The following PIP5K1B variants were observed in gnomAD, a reference collection of about 807,000 sequenced individuals.
PIP5K1B encodes the protein phosphatidylinositol 4-phosphate 5-kinase type-1 beta.
PIP5K1B carries 42 observed loss-of-function variants against 67.0 expected under a neutral mutation model. The observed-to-expected ratio is 0.63, with a 90% CI of 0.49 to 0.81. The LOEUF is 0.81. Ranked by LOEUF, PIP5K1B falls within the 30% of genes least tolerant of loss-of-function variation. The pLI, the probability that PIP5K1B is intolerant of heterozygous loss-of-function variation, is 0.00. For missense variants in PIP5K1B, 459 were observed against 646.3 expected, an observed-to-expected ratio of 0.71 and a Z score of 3.14; for synonymous variants, 214 against 231.4, an observed-to-expected ratio of 0.92 and a Z score of 0.68.
intron 2 of PIP5K1B, among the ~76,000 whole-genome samples, chr9:68,757,325 T>C (rs928900157): frequency 3.3e-5 from 5 of 152,118 alleles, no homozygotes; most frequent in Admixed American, 3.3e-4. Context: ...AAAAATTACA[T>C]TTGTGACATG....
At chr9:68,761,349 T>C (rs75739322) in intron 2 of PIP5K1B, among the ~76,000 whole-genome samples, 4,256 of 152,210 alleles carry the variant, frequency 0.028, 114 homozygotes, top group East Asian at 0.11. Flanking sequence ...GCTGGAGTTC[T>C]TGTCTCTCCT....
chr9:68,780,937 C>T (rs1448500972), intron 2 of PIP5K1B: 1 of 1,614,146 alleles, frequency 6.2e-7, no homozygotes, highest in Non-Finnish European at 8.5e-7. Context: ...TGTAACTCAC[C>T]AGCGAAAGTC....
intron 11 of PIP5K1B, among the ~76,000 whole-genome samples, chr9:68,922,635 T>C (rs1283010001): frequency 6.6e-6 from 1 of 152,064 alleles, no homozygotes; most frequent in African/African-American, 2.4e-5. Context: ...CCTTCATCTA[T>C]CCCCTTTCCT....
intron 15 of PIP5K1B, among the ~76,000 whole-genome samples, chr9:69,004,437 C>A (rs1033357635): frequency 2.0e-5 from 3 of 151,822 alleles, no homozygotes; most frequent in Non-Finnish European, 4.4e-5. Flanking sequence ...AGCTCCTCTG[C>A]CAAAGCACCA....
intron 4 of PIP5K1B, among the ~76,000 whole-genome samples, chr9:68,842,857 C>T (rs1821990030): frequency 6.6e-6 from 1 of 152,316 alleles, no homozygotes; most frequent in South Asian, 2.1e-4. Context: ...TGATACTGGG[C>T]TTTGAAGGCT....
chr9:68,924,097 A>G (rs1344082500), intron 12 of PIP5K1B, among the ~76,000 whole-genome samples: 1 of 149,928 alleles, frequency 6.7e-6, no homozygotes, highest in Admixed American at 6.6e-5. Context: ...TTATAGCTAT[A>G]AACTCTTACC....
intron 15 of PIP5K1B, among the ~76,000 whole-genome samples, chr9:68,992,136 T>G (rs1220031293): frequency 6.6e-6 from 1 of 152,054 alleles, no homozygotes; most frequent in African/African-American, 2.4e-5. Context: ...TGGCTAATTT[T>G]GTATTTTTAG....
In PIP5K1B at chr9:68,705,612, C is replaced by CCCTCCCG. The variant is rs1167521779; in HGVS notation, c.-391_-390insTCCCGCC. 1.4e-5 allele frequency: 2 copies of CCCTCCCG among 144,194 alleles called. No individual in the cohort carries two copies. Among genetic ancestry groups the CCCTCCCG allele is most frequent in the Non-Finnish European group, 3.1e-5 (2 of 64,404 alleles). The allele number at this position is 144,194 out of a possible 1,614,324, so 8.9% of individuals were successfully genotyped here. A position where few individuals can be genotyped will look rare whatever the true frequency, so the allele number is the denominator to read the frequency against. On this transcript the variant is annotated 5_prime_UTR_variant, in exon 1 of 16. Transcript: ENST00000265382. ...CCCCCGGCCCCGGCCCCGCCCGCCG[C>CCCTCCCG]CCCCTCCGCCCTCCCGCCCCTCCCG... is the stretch of plus-strand genomic sequence containing the variant.
chr9:68,725,171 C>T lies in PIP5K1B; in HGVS notation c.-242-17330C>T, dbSNP rs528146145. On this transcript the variant is annotated intron_variant, in intron 1 of 15. Coordinates refer to ENST00000265382, the MANE Select transcript of PIP5K1B (RefSeq NM_003558.4). ...GAGTTTATCTCCTGGTCTCATTGGTCAAACTTCCTGTGTTTTAAAATGGCA... is the reference window on the plus strand; with the variant it reads ...GAGTTTATCTCCTGGTCTCATTGGTTAAACTTCCTGTGTTTTAAAATGGCA... 1.2e-4 allele frequency among the ~76,000 whole-genome samples: 18 copies of T among 152,306 alleles called. No individual in the cohort carries two copies. In the East Asian group the frequency reaches 3.1e-3, roughly 26 times the overall value.
At chr9:68,767,871 T>G (rs182137889) in intron 2 of PIP5K1B, among the ~76,000 whole-genome samples, 566 of 152,242 alleles carry the variant, frequency 3.7e-3, no homozygotes, top group Non-Finnish European at 5.4e-3. Context: ...GGGTGAATTT[T>G]ATTGCACTAA....
At chr9:68,770,334 C>T (rs886269600) in intron 2 of PIP5K1B, among the ~76,000 whole-genome samples, 7 of 152,212 alleles carry the variant, frequency 4.6e-5, no homozygotes, top group Non-Finnish European at 1.0e-4. Flanking sequence ...TTTAAAATCT[C>T]AGCTCCTAAG....
intron 6 of PIP5K1B, among the ~76,000 whole-genome samples, chr9:68,885,208 A>C (rs1184531092): frequency 6.6e-6 from 1 of 152,254 alleles, no homozygotes; most frequent in Non-Finnish European, 1.5e-5. Flanking sequence ...AGCCAGGCAC[A>C]GAAAGATAAA....
chr9:68,869,485 T>A lies in PIP5K1B; in HGVS notation c.200+5518T>A, dbSNP rs549015019. On this transcript the variant is annotated intron_variant, in intron 5 of 15. Transcript: ENST00000265382. Reference sequence around the variant, plus strand: ...TTGGGGACCACTGTCTTATATCATGTGGGTCAGCATACAACAGCCCATGGG... The same window carrying A: ...TTGGGGACCACTGTCTTATATCATGAGGGTCAGCATACAACAGCCCATGGG... 1.3e-3 allele frequency among the ~76,000 whole-genome samples: 201 copies of A among 152,370 alleles called. 1 individual carries two copies. Among genetic ancestry groups the A allele is most frequent in the African/African-American group, 4.6e-3 (193 of 41,594 alleles).
intron 2 of PIP5K1B, chr9:68,788,651 T>C (rs568400812): frequency 5.0e-5 from 12 of 237,856 alleles, no homozygotes; most frequent in Admixed American, 1.1e-4. Flanking sequence ...CATCCCAAAA[T>C]AGCATCTCTG....
chr9:68,999,961 G>A (rs1830746287), intron 15 of PIP5K1B, among the ~76,000 whole-genome samples: 1 of 152,222 alleles, frequency 6.6e-6, no homozygotes, highest in East Asian at 1.9e-4. Context: ...TCAGCAGGCG[G>A]CGGGGGTATG....
At chr9:68,709,971 A>G (rs1219756163) in intron 1 of PIP5K1B, among the ~76,000 whole-genome samples, 1 of 152,240 alleles carries the variant, frequency 6.6e-6, no homozygotes, top group Non-Finnish European at 1.5e-5. Context: ...TTCCTGATAT[A>G]TAAAGCCAGA....
chr9:68,888,950 T>C (rs1824628195), intron 6 of PIP5K1B, 31 bp from the exon 7 acceptor site: 1 of 1,478,912 alleles, frequency 6.8e-7, no homozygotes, highest in Non-Finnish European at 9.4e-7. Context: ...ATCAAGTATA[T>C]GTTTTAATGT....
intron 4 of PIP5K1B, among the ~76,000 whole-genome samples, chr9:68,862,700 G>A (rs1323127593): frequency 6.6e-6 from 1 of 152,054 alleles, no homozygotes; most frequent in Admixed American, 6.5e-5. Flanking sequence ...GCTGAGGCAT[G>A]AGAATTGCTT....
chr9:68,992,795 A>C (rs1375902182), intron 15 of PIP5K1B, among the ~76,000 whole-genome samples: 1 of 135,542 alleles, frequency 7.4e-6, no homozygotes, highest in East Asian at 2.3e-4. Context: ...AGCCGAGATC[A>C]TGCCACTGCA....
Sources: gnomAD v4.1 joint callset for allele counts (sites outside exome capture counted in the v4.1 genomes callset) on GRCh38, gnomAD v4.1.1 for gene constraint, MANE v1.5 for transcripts, NCBI Gene and HGNC (gene_info 2026-07-23, HGNC 2026-07-21) for gene names.